Variants in TNFSF13B observed in about 807,000 individuals in gnomAD.
TNFSF13B encodes tumor necrosis factor ligand superfamily member 13B.
TNFSF13B carries 8 observed loss-of-function variants against 29.1 expected under a neutral mutation model. The observed-to-expected ratio is 0.27, with a 90% confidence interval of 0.16 to 0.50. The LOEUF is 0.50. Among genes scored for constraint, TNFSF13B ranks in the 20% least tolerant of loss-of-function variants. The pLI, the probability that TNFSF13B is intolerant of heterozygous loss-of-function variation, is 0.98. For missense variants in TNFSF13B, 248 were observed against 334.9 expected, an observed-to-expected ratio of 0.74 and a Z score of 2.03; for synonymous variants, 125 against 130.8, an observed-to-expected ratio of 0.96 and a Z score of 0.30.
chr13:108,284,929 T>C (rs1460109455), intron 2 of TNFSF13B, among the ~76,000 whole-genome samples: 1 of 152,218 alleles, frequency 6.6e-6, no homozygotes, highest in Non-Finnish European at 1.5e-5. Flanking sequence ...TGTTATTCCT[T>C]TCTTTCATGC....
intron 3 of TNFSF13B, among the ~76,000 whole-genome samples, chr13:108,301,817 G>A (rs569920041): frequency 1.1e-4 from 17 of 152,258 alleles, no homozygotes; most frequent in Admixed American, 5.9e-4. Context: ...ACAACTGTAC[G>A]AGGTAACATA....
intron 3 of TNFSF13B, among the ~76,000 whole-genome samples, chr13:108,295,226 G>A (rs1301842471): frequency 2.1e-5 from 3 of 145,408 alleles, no homozygotes; most frequent in Non-Finnish European, 4.6e-5. Context: ...CCAGCCTGGA[G>A]TGCAATGGTG....
At chr13:108,270,276 T>G (rs372634681) in intron 1 of TNFSF13B, 42 bp downstream of exon 1, 53 of 1,612,962 alleles carry the variant, frequency 3.3e-5, no homozygotes, top group Middle Eastern at 3.3e-4. Flanking sequence ...AGATCCTGCC[T>G]ACACTGCTGC....
chr13:108,281,516 A>AC (rs1351418842), intron 2 of TNFSF13B, among the ~76,000 whole-genome samples: 1 of 151,866 alleles, frequency 6.6e-6, no homozygotes, highest in Non-Finnish European at 1.5e-5. Context: ...AACCATCCTC[A>AC]CCCTATGTCT....
intron 2 of TNFSF13B, among the ~76,000 whole-genome samples, chr13:108,274,656 C>T (rs1028651218): frequency 2.6e-5 from 4 of 152,016 alleles, no homozygotes; most frequent in East Asian, 1.9e-4. Context: ...AACACAAGGA[C>T]GTTTTTTAGT....
At chr13:108,283,341 A>G (rs16972222) in intron 2 of TNFSF13B, among the ~76,000 whole-genome samples, 33,067 of 152,208 alleles carry the variant, frequency 0.22, 4,309 homozygotes, top group East Asian at 0.45. Flanking sequence ...GCATACTTAC[A>G]CAACTTCAGT....
chr13:108,278,241 C>T (rs928876368), intron 2 of TNFSF13B, among the ~76,000 whole-genome samples: 2 of 151,974 alleles, frequency 1.3e-5, no homozygotes, highest in East Asian at 3.9e-4. Context: ...ACGATTAATG[C>T]CAGTGAGAGA....
chr13:108,303,711 T>C, intron 5 of TNFSF13B, 107 bp downstream of exon 5: 3 of 1,164,048 alleles, frequency 2.6e-6, no homozygotes, highest in Middle Eastern at 2.3e-4. Flanking sequence ...AAAATACAAA[T>C]AGACAGAAAG....
rs1351850353 is a variant in TNFSF13B, at chr13:108,307,698, A to T, written c.*760A>T. 6.6e-6 allele frequency: 1 copy of T among 152,036 alleles called. No homozygotes were observed. The highest frequency in any genetic ancestry group is 1.5e-5 in the Non-Finnish European group (1 of 67,956). The allele number at this position is 152,036 out of a possible 1,614,324, so 9.4% of individuals were successfully genotyped here. A position where few individuals can be genotyped will look rare whatever the true frequency, so the allele number is the denominator to read the frequency against. ...TTTTAATATCAGGTAATTTCAATTT[A>T]TGCCTATAAAGCATTGATTGAAAAA... On this transcript the variant is annotated 3_prime_UTR_variant, in exon 6 of 6. Transcript: ENST00000375887.
chr13:108,298,202 C>T (rs1320215097), intron 3 of TNFSF13B, among the ~76,000 whole-genome samples: 1 of 144,584 alleles, frequency 6.9e-6, no homozygotes, highest in Admixed American at 6.8e-5. Flanking sequence ...GGGAGAGTAT[C>T]TGTAGGGAGT....
At chr13:108,271,630 AACATTTTTAAATTAGGAAACATGC>A (rs1306255194) in intron 2 of TNFSF13B, among the ~76,000 whole-genome samples, 1 of 152,182 alleles carries the variant, frequency 6.6e-6, no homozygotes, top group Non-Finnish European at 1.5e-5. Flanking sequence ...ACTGGGCTTA[AACATTTTTAAATTAGGAAACATGC>A]ACATTTTTAT....
intron 2 of TNFSF13B, among the ~76,000 whole-genome samples, chr13:108,271,084 T>C (rs993614804): frequency 6.6e-6 from 1 of 152,156 alleles, no homozygotes; most frequent in African/African-American, 2.4e-5. Context: ...ACTTTCTTCA[T>C]GTTCTGCTCA....
At chr13:108,284,685 T>A (rs1176776258) in intron 2 of TNFSF13B, among the ~76,000 whole-genome samples, 1 of 152,232 alleles carries the variant, frequency 6.6e-6, no homozygotes, top group Non-Finnish European at 1.5e-5. Flanking sequence ...AAAATCTGAC[T>A]TTGACGTTCA....
chr13:108,288,798 A>G lies in TNFSF13B; in HGVS notation c.481+1939A>G, dbSNP rs1395905861. Among the ~76,000 whole-genome samples, 8 of 152,192 alleles carry G rather than the reference A, an allele frequency of 5.3e-5. No individual in the cohort carries two copies. The East Asian group carries it at 1.5e-3, about 29-fold the overall frequency. The stretch of plus-strand genomic sequence containing the variant: ...CAGCAAAGCAGGCGGGGGCAGGAGA[A>G]AGTTTTGTGTTGTGAACGAACTACG... On this transcript the variant is annotated intron_variant, in intron 3 of 5. Coordinates refer to ENST00000375887, the MANE Select transcript of TNFSF13B (RefSeq NM_006573.5).
At chr13:108,296,520 A>G (rs1232785755) in intron 3 of TNFSF13B, among the ~76,000 whole-genome samples, 1 of 145,664 alleles carries the variant, frequency 6.9e-6, no homozygotes, top group African/African-American at 2.6e-5. Context: ...GGTAGGCAGA[A>G]TATAATTAGA....
intron 3 of TNFSF13B, among the ~76,000 whole-genome samples, chr13:108,298,854 G>T (rs147169330): frequency 1.4e-5 from 2 of 144,874 alleles, no homozygotes; most frequent in South Asian, 4.3e-4. Context: ...GCCTGTAGTC[G>T]CAGCTACTCG....
rs745362499 is a variant in TNFSF13B at position 108,303,459 on chromosome 13, A to G, written c.600A>G (p.Leu200=). The change falls in exon 5 of 6, where the codon TTA becomes TTG. Residue 200 remains leucine, a synonymous_variant. Transcript: ENST00000375887. Reference sequence around the variant, plus strand: ...TTTTTTGGTTTGTTTCTTAGGTTTTATATACTGATAAGACCTACGCCATGG... The same window carrying G: ...TTTTTTGGTTTGTTTCTTAGGTTTTGTATACTGATAAGACCTACGCCATGG... ...TGYFFIYGQV[L]YTDKTYAMGH... 8 of 1,611,164 alleles carry G rather than the reference A, an allele frequency of 5.0e-6. No individual in the cohort carries two copies. The Admixed American group carries it at 1.2e-4, about 24-fold the overall frequency.
chr13:108,277,820 C>T (rs1880802651), intron 2 of TNFSF13B, among the ~76,000 whole-genome samples: 1 of 152,122 alleles, frequency 6.6e-6, no homozygotes. Context: ...TCCTCGCCAT[C>T]TTGGTTTTGG....
rs1335610512 is a variant in TNFSF13B at position 108,306,935 on chromosome 13, G to A, written c.855G>A (p.Leu285=). Residue 285 remains leucine, a synonymous_variant, in exon 6 of 6, where the codon CTG becomes CTA. Coordinates refer to ENST00000375887, the MANE Select transcript of TNFSF13B (RefSeq NM_006573.5). ...DVTFFGALKL[L] ...CATTTTTTGGTGCATTGAAACTGCT[G>A]TGACCTACTTACACCATGTCTGTAG... 1.3e-6 allele frequency: 2 copies of A among 1,555,064 alleles called. No individual in the cohort carries two copies. The highest frequency in any genetic ancestry group is 2.9e-5 in the African/African-American group (2 of 68,708).
Sources: gnomAD v4.1 joint callset for allele counts (sites outside exome capture counted in the v4.1 genomes callset) on GRCh38, gnomAD v4.1.1 for gene constraint, MANE v1.5 for transcripts, NCBI Gene and HGNC (gene_info 2026-07-23, HGNC 2026-07-21) for gene names.